The following ZNF217 variants were observed in gnomAD, a reference collection of about 807,000 sequenced individuals.
ZNF217 encodes zinc finger protein 217.
ZNF217 carries 12 observed loss-of-function variants against 73.3 expected under a neutral mutation model. That is an observed-to-expected ratio of 0.16 (90% CI 0.10 to 0.27). The LOEUF (loss-of-function observed/expected upper bound fraction) is 0.27, where lower values mean the gene tolerates loss of function less well. Among genes scored for constraint, ZNF217 ranks in the 10% least tolerant of loss-of-function variants. The pLI is 1.00. For synonymous variants in ZNF217, 588 were observed against 516.4 expected (o/e 1.14, Z -1.88); for missense variants, 1,195 against 1,327.8 (o/e 0.90, Z 1.55).
rs534966356 is a variant in ZNF217 at position 53,576,638 on chromosome 20, C to T, written c.2126G>A (p.Ser709Asn). The T allele has an allele frequency of 3.1e-6, 5 of 1,614,240 alleles. No individual in the cohort carries two copies. Among genetic ancestry groups the T allele is most frequent in the African/African-American group, 2.7e-5 (2 of 75,058 alleles). ...AISLSKSLIPSITCPFCTFKT... is the reference protein window; with the variant it reads ...AISLSKSLIPNITCPFCTFKT... ...GAAGGTACAAAATGGACAGGTGATACTTGGAATCAAACTTTTACTCAAAGA... is the reference window on the plus strand; with the variant it reads ...GAAGGTACAAAATGGACAGGTGATATTTGGAATCAAACTTTTACTCAAAGA... Residue 709 changes from serine (S) to asparagine (N), a missense_variant, in exon 4 of 6, where the codon AGT (serine) becomes AAT (asparagine). This residue lies in a region of ZNF217 where 649 missense variants were observed against 642.8 expected (regional missense o/e 1.01). Transcript: ENST00000371471.
At chr20:53,597,083 C>CAAAAAAA (rs11483077), upstream of ZNF217, among the ~76,000 whole-genome samples, 1 of 120,790 alleles carries the variant, frequency 8.3e-6, no homozygotes, top group Admixed American at 9.0e-5. Flanking sequence ...AGTAACATAA[C>CAAAAAAA]AAAAAAAAAA....
rs570991211 is a variant in ZNF217, at chr20:53,575,759, G to C, written c.3005C>G (p.Ala1002Gly). Residue 1002 changes from alanine to glycine, a missense_variant, in exon 4 of 6, where the codon GCT becomes GGT. Transcript: ENST00000371471. ...GSGPLYTCVP[A>G]GSPASSSTLE... ...CGTCGAGCTGGATGCTGGACTACCA[G>C]CAGGCACACAAGTGTAAAGTGGCCC... The C allele has an allele frequency of 6.3e-7, 1 of 1,597,666 alleles. No individual in the cohort carries two copies. The highest frequency in any genetic ancestry group is 1.7e-5 in the Admixed American group (1 of 57,298).
At chr20:53,589,834 A>G (rs2145978039) in intron 1 of ZNF217, among the ~76,000 whole-genome samples, 1 of 152,062 alleles carries the variant, frequency 6.6e-6, no homozygotes, top group South Asian at 2.1e-4. Context: ...AATTTAAGAA[A>G]TTTCCTGCCG....
chr20:53,570,245 A>G (rs2766672), intron 5 of ZNF217: 114,154 of 152,586 alleles, frequency 0.75, 42,962 homozygotes, highest in East Asian at 0.83. Flanking sequence ...TTACTCCCTC[A>G]TGTTCTTCAT....
At chr20:53,579,456 A>G (rs1988407395) in intron 2 of ZNF217, among the ~76,000 whole-genome samples, 1 of 152,234 alleles carries the variant, frequency 6.6e-6, no homozygotes, top group African/African-American at 2.4e-5. Context: ...CTAGACTACT[A>G]AGATAATATA....
chr20:53,581,487 T>A lies in ZNF217; in HGVS notation c.1340A>T (p.Asp447Val). ...CAGATGGATTCCTTCGGGAAGCCCA[T>A]CCTCAGATCCGTCTTCAGAACCACC... ...GEGGSEDGSE[D>V]GLPEGIHLDK... The change falls in exon 2 of 6, where the codon GAT (aspartate) becomes GTT (valine). Residue 447 changes from aspartate (D) to valine (V), a missense_variant. Physicochemically the swap from Asp to Val is radical, Grantham distance 152. Coordinates refer to ENST00000371471, the MANE Select transcript of ZNF217 (RefSeq NM_006526.3). The surrounding 1 kb of genome is among the most constrained non-coding windows in gnomAD (Gnocchi z 4.9). 6.2e-7 allele frequency: 1 copy of A among 1,611,286 alleles called. No individual in the cohort carries two copies. Among genetic ancestry groups the A allele is most frequent in the Non-Finnish European group, 8.5e-7 (1 of 1,177,844 alleles).
rs1230865765 is a variant in ZNF217 at position 53,582,681 on chromosome 20, C to T, written c.146G>A (p.Arg49Gln). ...GATGACATTTTTTTCTTGTGTAGCT[C>T]GGAATGGAACAACAGCGGTCCCTTT... Reference protein sequence around the residue: ...SMKGTAVVPFRATQEKNVIQI... With the variant: ...SMKGTAVVPFQATQEKNVIQI... Residue 49 changes from arginine to glutamine, a missense_variant, in exon 2 of 6, where the codon CGA becomes CAA. Physicochemically the swap from Arg to Gln is conservative, Grantham distance 43. Transcript: ENST00000371471. The surrounding 1 kb of genome is among the most constrained non-coding windows in gnomAD (Gnocchi z 4.8). 3.7e-6 allele frequency: 6 copies of T among 1,613,972 alleles called. No homozygotes were observed. Among genetic ancestry groups the T allele is most frequent in the South Asian group, 1.1e-5 (1 of 91,078 alleles).
intron 1 of ZNF217, among the ~76,000 whole-genome samples, chr20:53,586,340 T>C (rs1375381354): frequency 6.6e-6 from 1 of 152,192 alleles, no homozygotes; most frequent in Non-Finnish European, 1.5e-5. Context: ...TCATCAAAAC[T>C]TCTACATGGC....
chr20:53,580,396 C>G (rs963742621), intron 2 of ZNF217, among the ~76,000 whole-genome samples: 1 of 152,146 alleles, frequency 6.6e-6, no homozygotes, highest in Non-Finnish European at 1.5e-5. Flanking sequence ...TCCCTAAGAC[C>G]GATTCATGTT....
chr20:53,583,106 A>G lies in ZNF217; in HGVS notation c.-280T>C, dbSNP rs1988569657. On this transcript the variant is annotated 5_prime_UTR_variant, in exon 2 of 6. Coordinates refer to ENST00000371471, the MANE Select transcript of ZNF217 (RefSeq NM_006526.3). ...CATTAGTTCTCTTTGTCTCCATTGA[A>G]TGAGTGTTTCAATTGAGCAAGAAGT... 4 of 421,696 alleles carry G rather than the reference A, an allele frequency of 9.5e-6. No homozygotes were observed. The highest frequency in any genetic ancestry group is 1.3e-5 in the Non-Finnish European group (3 of 238,894). 26.1% of individuals were successfully genotyped at this position (421,696 alleles called of 1,614,324 possible). A position where few individuals can be genotyped will look rare whatever the true frequency, so the allele number is the denominator to read the frequency against.
chr20:53,581,517 C>A lies in ZNF217; in HGVS notation c.1310G>T (p.Gly437Val). The A allele has an allele frequency of 6.2e-7, 1 of 1,614,086 alleles. No homozygotes were observed. The highest frequency in any genetic ancestry group is 8.5e-7 in the Non-Finnish European group (1 of 1,179,936). ...PLDENGAVDR[G>V]EGGSEDGSED... ...AGATCCGTCTTCAGAACCACCTTCCCCTCGATCCACGGCTCCATTTTCATC... is the reference window on the plus strand; with the variant it reads ...AGATCCGTCTTCAGAACCACCTTCCACTCGATCCACGGCTCCATTTTCATC... The change falls in exon 2 of 6, where the codon GGG becomes GTG. Residue 437 changes from glycine to valine, a missense_variant. Around this residue, in one of 9 missense-constraint regions of ZNF217, gnomAD observed 116 missense variants for 121.9 expected, o/e 0.95. Coordinates refer to ENST00000371471, the MANE Select transcript of ZNF217 (RefSeq NM_006526.3). The surrounding 1 kb of genome is among the most constrained non-coding windows in gnomAD (Gnocchi z 4.9).
chr20:53,593,604 G>A (rs916500813), intron 1 of ZNF217, among the ~76,000 whole-genome samples, 152 bp downstream of exon 1: 17 of 151,786 alleles, frequency 1.1e-4, no homozygotes, highest in Non-Finnish European at 1.8e-4. Flanking sequence ...GGGCGCCCTA[G>A]AGGAGCGGAT....
chr20:53,581,670 G>C lies in ZNF217; in HGVS notation c.1157C>G (p.Thr386Ser), dbSNP rs780661902. 6.2e-7 allele frequency: 1 copy of C among 1,614,244 alleles called. No homozygotes were observed. Among genetic ancestry groups the C allele is most frequent in the Non-Finnish European group, 8.5e-7 (1 of 1,180,032 alleles). ...HCSECGKAFR[T>S]YHQLVLHSRV... ...GGAGTGCAAGACCAGCTGGTGGTAG[G>C]TTCTGAAAGCTTTGCCGCACTCGGA... is the stretch of plus-strand genomic sequence containing the variant. The change falls in exon 2 of 6, where the codon ACC becomes AGC. Residue 386 changes from threonine (T) to serine (S), a missense_variant. Physicochemically the swap from Thr to Ser is moderately conservative, Grantham distance 58. Transcript: ENST00000371471. This position sits in a 1 kb window ranked among gnomAD's most constrained non-coding sequence, Gnocchi z 4.9.
intron 3 of ZNF217, 89 bp downstream of exon 3, chr20:53,578,245 C>T (rs1568684566): frequency 2.4e-6 from 2 of 817,454 alleles, no homozygotes; most frequent in Non-Finnish European, 3.9e-6. Flanking sequence ...GTCCAAGGAT[C>T]TGGCAGAGTA....
chr20:53,591,467 T>C (rs1238047089), intron 1 of ZNF217, among the ~76,000 whole-genome samples: 5 of 151,902 alleles, frequency 3.3e-5, no homozygotes, highest in Non-Finnish European at 7.3e-5. Context: ...TTAAAATAAA[T>C]GATGAATCTG....
intron 1 of ZNF217, among the ~76,000 whole-genome samples, chr20:53,590,644 G>C (rs1319754665): frequency 6.6e-6 from 1 of 152,060 alleles, no homozygotes; most frequent in African/African-American, 2.4e-5. Flanking sequence ...CACATCTTTT[G>C]GGACCCCTGA....
chr20:53,586,284 C>T (rs1025892081), intron 1 of ZNF217, among the ~76,000 whole-genome samples: 6 of 152,138 alleles, frequency 3.9e-5, no homozygotes, highest in African/African-American at 1.4e-4. Flanking sequence ...CGTTTGGCCA[C>T]AGTCACTAAC....
At chr20:53,578,111 C>CA (rs1307936261) in intron 3 of ZNF217, among the ~76,000 whole-genome samples, 1 of 151,268 alleles carries the variant, frequency 6.6e-6, no homozygotes, top group African/African-American at 2.4e-5. Context: ...GACTCCGTCT[C>CA]AAAAAACAAA....
In ZNF217 at chr20:53,582,530, C is replaced by A; in HGVS notation, c.297G>T (p.Arg99=). The change falls in exon 2 of 6, where the codon CGG becomes CGT. Residue 99 remains arginine, a synonymous_variant. Transcript: ENST00000371471. This position sits in a 1 kb window ranked among gnomAD's most constrained non-coding sequence, Gnocchi z 4.8. ...GCGGACTGAGATACTCTGCTTCAAC[C>A]CGAAGAACTGCTGGTTCACAGAGGG... is the stretch of plus-strand genomic sequence containing the variant. The part of the protein sequence containing the change: ...RPTLCEPAVL[R]VEAEYLSPLD... The A allele has an allele frequency of 6.2e-7, 1 of 1,614,178 alleles. No homozygotes were observed. The highest frequency in any genetic ancestry group is 8.5e-7 in the Non-Finnish European group (1 of 1,180,040).
Sources: allele counts gnomAD v4.1 joint callset (sites outside exome capture counted in the v4.1 genomes callset), GRCh38; gene constraint gnomAD v4.1.1; regional missense constraint gnomAD v4.1.1; non-coding constraint Gnocchi (gnomAD v3.1); transcripts MANE v1.5; gene names NCBI Gene and HGNC (gene_info 2026-07-23, HGNC 2026-07-21).